Variants in NKAIN2 observed in about 807,000 individuals in gnomAD.
NKAIN2 encodes the protein sodium/potassium transporting ATPase interacting 2, also known as sodium/potassium-transporting ATPase subunit beta-1-interacting protein 2.
In NKAIN2, 14 loss-of-function variants were observed where a neutral mutation model predicts 32.6. That is an observed-to-expected ratio of 0.43 (90% CI 0.28 to 0.67). The LOEUF is 0.67. Ranked by LOEUF, NKAIN2 falls within the 30% of genes least tolerant of loss-of-function variation. NKAIN2 has a pLI of 0.17. For missense variants in NKAIN2, 198 were observed against 258.3 expected (o/e 0.77, Z 1.60); for synonymous variants, 80 against 87.2 (o/e 0.92, Z 0.46).
At chr6:124,001,581 C>A (rs921571393) in intron 1 of NKAIN2, among the ~76,000 whole-genome samples, 5 of 151,522 alleles carry the variant, frequency 3.3e-5, no homozygotes, top group Non-Finnish European at 7.4e-5. Context: ...TAAAATACTC[C>A]ATTAATGTTA....
At chr6:124,146,882 A>G (rs1223557607) in intron 1 of NKAIN2, among the ~76,000 whole-genome samples, 2 of 152,184 alleles carry the variant, frequency 1.3e-5, no homozygotes, top group Non-Finnish European at 2.9e-5. Flanking sequence ...ATTCAGGAAT[A>G]TGTTTCAGAG....
At chr6:124,759,076 C>A (rs1188637021) in intron 4 of NKAIN2, among the ~76,000 whole-genome samples, 1 of 152,088 alleles carries the variant, frequency 6.6e-6, no homozygotes, top group Admixed American at 6.6e-5. Flanking sequence ...TACTTTGTAT[C>A]ATGTTGATTT....
At chr6:124,709,925 G>T (rs2114599467) in intron 4 of NKAIN2, among the ~76,000 whole-genome samples, 1 of 151,838 alleles carries the variant, frequency 6.6e-6, no homozygotes, top group Admixed American at 6.6e-5. Flanking sequence ...GTAATGTTAG[G>T]GTGTCAATTT....
At chr6:123,883,210 A>G (rs112737152) in intron 1 of NKAIN2, among the ~76,000 whole-genome samples, 1 of 151,422 alleles carries the variant, frequency 6.6e-6, no homozygotes, top group Non-Finnish European at 1.5e-5. Flanking sequence ...AGTGGCGTGA[A>G]CTCGGCTCAC....
intron 1 of NKAIN2, among the ~76,000 whole-genome samples, chr6:123,852,720 A>T (rs1287421445): frequency 1.3e-5 from 2 of 152,232 alleles, no homozygotes; most frequent in African/African-American, 4.8e-5. Context: ...CGTGGAGAAC[A>T]TTATGTTATG....
intron 1 of NKAIN2, among the ~76,000 whole-genome samples, chr6:123,860,467 A>G (rs902327011): frequency 2.6e-5 from 4 of 152,098 alleles, no homozygotes; most frequent in African/African-American, 9.7e-5. Context: ...CTGGAGTGCA[A>G]TGGCTCTGTC....
chr6:124,457,662 T>A lies in NKAIN2; in HGVS notation c.273+102315T>A, dbSNP rs557117791. ...GATAAACAGAACTTGATTTCTGAAG[T>A]CACTCCACAGGATACACATTATTAA... On this transcript the variant is annotated intron_variant, in intron 3 of 6. Coordinates refer to ENST00000368417, the MANE Select transcript of NKAIN2 (RefSeq NM_001040214.3). Among the ~76,000 whole-genome samples the A allele has an allele frequency of 2.6e-5, 4 of 152,074 alleles. No homozygotes were observed. In the South Asian group the frequency reaches 8.3e-4, roughly 31 times the overall value.
In NKAIN2 at chr6:124,634,266, T is replaced by A. The variant is rs575012764; in HGVS notation, c.274-23920T>A. ...CAGACCTCAAGTAAAAGAAAATATA[T>A]TGAAATGCCTAAAATGTAATTCAAA... is the stretch of plus-strand genomic sequence containing the variant. On this transcript the variant is annotated intron_variant, in intron 3 of 6. Coordinates refer to ENST00000368417, the MANE Select transcript of NKAIN2 (RefSeq NM_001040214.3). Among the ~76,000 whole-genome samples the A allele has an allele frequency of 5.3e-5, 8 of 152,190 alleles. No homozygotes were observed. In the South Asian group the frequency reaches 1.7e-3, roughly 32 times the overall value.
At chr6:124,343,741 A>C (rs1342573544) in intron 2 of NKAIN2, among the ~76,000 whole-genome samples, 2 of 150,220 alleles carry the variant, frequency 1.3e-5, no homozygotes, top group Non-Finnish European at 3.0e-5. Flanking sequence ...GCCCTTTGTC[A>C]GAAGAGTAGT....
At chr6:124,249,714 C>T (rs1185774903) in intron 1 of NKAIN2, among the ~76,000 whole-genome samples, 1 of 152,058 alleles carries the variant, frequency 6.6e-6, no homozygotes, top group East Asian at 1.9e-4. Flanking sequence ...CCCAGTCTAG[C>T]TTTCATCCTG....
At chr6:124,230,884 A>T (rs11752379) in intron 1 of NKAIN2, among the ~76,000 whole-genome samples, 11,154 of 152,258 alleles carry the variant, frequency 0.073, 449 homozygotes, top group Middle Eastern at 0.099. Context: ...CCCCACACAG[A>T]GTCCCTACTG....
chr6:124,335,883 CT>C (rs1258105770), intron 2 of NKAIN2, among the ~76,000 whole-genome samples: 16 of 151,786 alleles, frequency 1.1e-4, no homozygotes, highest in African/African-American at 3.9e-4. Flanking sequence ...TTTTTGTTTG[CT>C]TCTTTGTCTT....
At chr6:124,046,660 A>G (rs1274819826) in intron 1 of NKAIN2, among the ~76,000 whole-genome samples, 1 of 151,996 alleles carries the variant, frequency 6.6e-6, no homozygotes, top group South Asian at 2.1e-4. Flanking sequence ...CAAGTGTGAC[A>G]CAATGAGAGA....
intron 1 of NKAIN2, among the ~76,000 whole-genome samples, chr6:123,992,175 G>A (rs891442524): frequency 3.3e-5 from 5 of 152,170 alleles, no homozygotes; most frequent in East Asian, 3.9e-4. Flanking sequence ...TTTCCTTCTC[G>A]CTTCAACCAG....
At chr6:124,594,818 A>G (rs974791170) in intron 3 of NKAIN2, among the ~76,000 whole-genome samples, 1 of 152,090 alleles carries the variant, frequency 6.6e-6, no homozygotes, top group Non-Finnish European at 1.5e-5. Context: ...AGGTATCTCA[A>G]AAGTGGGGCA....
chr6:123,976,819 A>G (rs893034226), intron 1 of NKAIN2, among the ~76,000 whole-genome samples: 9 of 152,230 alleles, frequency 5.9e-5, no homozygotes, highest in African/African-American at 2.2e-4. Context: ...TACAGTGTAC[A>G]AAATTGTGAA....
intron 1 of NKAIN2, among the ~76,000 whole-genome samples, chr6:123,809,793 TA>T (rs1773377305): frequency 1.3e-5 from 2 of 152,148 alleles, no homozygotes; most frequent in South Asian, 4.1e-4. Context: ...CTTATGCAGG[TA>T]TAGACTCTTT....
intron 3 of NKAIN2, among the ~76,000 whole-genome samples, chr6:124,633,727 T>G (rs1783660861): frequency 6.6e-6 from 1 of 152,178 alleles, no homozygotes; most frequent in Non-Finnish European, 1.5e-5. Flanking sequence ...TATTGACAAG[T>G]TAAAATCTTT....
Position 123,804,157 on chromosome 6 carries a change from G to T in NKAIN2, c.-44G>T. ...TTGGATAAAGTGGGGGCTCGACGGTGGCCGACGTGGGACAGTCTGGCTGTG... is the reference window on the plus strand; with the variant it reads ...TTGGATAAAGTGGGGGCTCGACGGTTGCCGACGTGGGACAGTCTGGCTGTG... On this transcript the variant is annotated 5_prime_UTR_variant, in exon 1 of 7. Coordinates refer to ENST00000368417, the MANE Select transcript of NKAIN2 (RefSeq NM_001040214.3). The T allele has an allele frequency of 6.3e-7, 1 of 1,586,464 alleles. No homozygotes were observed. Among genetic ancestry groups the T allele is most frequent in the Non-Finnish European group, 8.7e-7 (1 of 1,155,016 alleles).
Sources: gnomAD v4.1 joint callset for allele counts (sites outside exome capture counted in the v4.1 genomes callset) on GRCh38, gnomAD v4.1.1 for gene constraint, MANE v1.5 for transcripts, NCBI Gene and HGNC (gene_info 2026-07-23, HGNC 2026-07-21) for gene names.